The following RAD51AP1 variants were observed in gnomAD, a reference collection of about 807,000 sequenced individuals.
The protein encoded by RAD51AP1 is RAD51 associated protein 1.
In RAD51AP1, 14 loss-of-function variants were observed where a neutral mutation model predicts 34.3. The ratio of observed to expected loss-of-function variants is 0.41; its 90% CI spans 0.27 to 0.64. The LOEUF is 0.64. RAD51AP1 is among the 30% of genes least tolerant of loss of function. The probability of loss-of-function intolerance (pLI) is 0.33; values close to 1 mark genes in which losing one functional copy is unlikely to be tolerated. For synonymous variants in RAD51AP1, 114 were observed against 129.8 expected, an observed-to-expected ratio of 0.88 and a Z score of 0.83; for missense variants, 348 against 386.9, an observed-to-expected ratio of 0.90 and a Z score of 0.84.
At chr12:4,546,226 TAATTTGGAG>T in intron 3 of RAD51AP1, 74 bp from the exon 4 acceptor site, 1 of 1,027,288 alleles carries the variant, frequency 9.7e-7, no homozygotes, top group Non-Finnish European at 1.5e-6. Context: ...TCTTGAATAG[TAATTTGGAG>T]AAATCTCAAA....
chr12:4,557,966 G>C (rs1213260077), intron 8 of RAD51AP1, among the ~76,000 whole-genome samples: 1 of 151,986 alleles, frequency 6.6e-6, no homozygotes, highest in Non-Finnish European at 1.5e-5. Flanking sequence ...GCTAATTTTT[G>C]TAAGTTGATT....
intron 1 of RAD51AP1, among the ~76,000 whole-genome samples, chr12:4,540,008 G>T (rs779517245): frequency 6.6e-6 from 1 of 152,096 alleles, no homozygotes; most frequent in Non-Finnish European, 1.5e-5. Flanking sequence ...ATTGGAGAGC[G>T]GTTTGGGATA....
chr12:4,556,426 T>G lies in RAD51AP1; in HGVS notation c.795T>G (p.Ser265=). The change falls in exon 8 of 9, where the codon TCT becomes TCG. Residue 265 remains serine (S), a synonymous_variant. Transcript: ENST00000352618. The part of the protein sequence containing the change: ...SQSLPKKVSL[S]SDTTRKPLEI... ...CCTTGCCAAAAAAGGTTTCTCTGTC[T>G]TCAGATACCACTAGGAAACCATTAG... The G allele has an allele frequency of 6.2e-7, 1 of 1,613,792 alleles. No individual in the cohort carries two copies. Among genetic ancestry groups the G allele is most frequent in the Non-Finnish European group, 8.5e-7 (1 of 1,179,680 alleles).
chr12:4,542,157 G>A (rs373277246), intron 2 of RAD51AP1, among the ~76,000 whole-genome samples: 1 of 152,116 alleles, frequency 6.6e-6, no homozygotes. Flanking sequence ...AGTCTCTTTA[G>A]ATCTAAACTA....
At chr12:4,550,726 G>A (rs1336812673) in intron 6 of RAD51AP1, among the ~76,000 whole-genome samples, 1 of 152,222 alleles carries the variant, frequency 6.6e-6, no homozygotes, top group East Asian at 1.9e-4. Context: ...CATGGCCTCC[G>A]CCTCACAGGT....
At chr12:4,558,312 C>G (rs1438494522) in intron 8 of RAD51AP1, among the ~76,000 whole-genome samples, 1 of 152,100 alleles carries the variant, frequency 6.6e-6, no homozygotes, top group African/African-American at 2.4e-5. Flanking sequence ...ATTTATAATA[C>G]TGTTGTGTAG....
At chr12:4,550,742 CAA>C (rs541543340) in intron 6 of RAD51AP1, among the ~76,000 whole-genome samples, 204 of 152,364 alleles carry the variant, frequency 1.3e-3, no homozygotes, top group Non-Finnish European at 2.1e-3. Flanking sequence ...CAGGTTCAAG[CAA>C]TTCTTGTGTC....
At chr12:4,548,941 C>A in intron 6 of RAD51AP1, 105 bp downstream of exon 6, 1 of 1,260,574 alleles carries the variant, frequency 7.9e-7, no homozygotes, top group Non-Finnish European at 1.1e-6. Flanking sequence ...TTGGGGTGTG[C>A]AAACTTCAGG....
chr12:4,556,174 A>G (rs1944580833), intron 7 of RAD51AP1, among the ~76,000 whole-genome samples, 179 bp from the exon 8 acceptor site: 1 of 152,194 alleles, frequency 6.6e-6, no homozygotes, highest in Non-Finnish European at 1.5e-5. Flanking sequence ...TGCCTACCAC[A>G]CTGCCTGGCA....
chr12:4,543,990 G>T, intron 3 of RAD51AP1, 86 bp downstream of exon 3: 1 of 1,179,232 alleles, frequency 8.5e-7, no homozygotes, highest in South Asian at 2.0e-5. Flanking sequence ...ATTTAAATTA[G>T]AACTTGGGCA....
At chr12:4,554,674 A>G (rs916819772) in intron 7 of RAD51AP1, among the ~76,000 whole-genome samples, 2 of 152,364 alleles carry the variant, frequency 1.3e-5, no homozygotes, top group East Asian at 1.9e-4. Context: ...GATTTAATAT[A>G]TAATATTAGA....
At chr12:4,556,258 T>C (rs932747018) in intron 7 of RAD51AP1, 95 bp from the exon 8 acceptor site, 7 of 927,910 alleles carry the variant, frequency 7.5e-6, no homozygotes, top group Non-Finnish European at 1.0e-5. Flanking sequence ...TTATTTTTTA[T>C]ATGATTATGT....
chr12:4,554,353 A>C (rs1207588179), intron 7 of RAD51AP1, among the ~76,000 whole-genome samples: 1 of 152,156 alleles, frequency 6.6e-6, no homozygotes, highest in African/African-American at 2.4e-5. Flanking sequence ...CCTCCAGATA[A>C]TTCAGTGTAA....
chr12:4,544,509 G>C (rs1420969494), intron 3 of RAD51AP1, among the ~76,000 whole-genome samples: 2 of 152,142 alleles, frequency 1.3e-5, no homozygotes, highest in Non-Finnish European at 2.9e-5. Context: ...CATATATAAT[G>C]TTTTACTGCC....
intron 7 of RAD51AP1, among the ~76,000 whole-genome samples, chr12:4,554,726 A>G (rs1944570312): frequency 6.6e-6 from 1 of 152,218 alleles, no homozygotes. Flanking sequence ...GGAATTAGGA[A>G]AAATGGATTA....
At chr12:4,543,344 A>T (rs1441853164) in intron 2 of RAD51AP1, among the ~76,000 whole-genome samples, 2 of 152,220 alleles carry the variant, frequency 1.3e-5, no homozygotes, top group Non-Finnish European at 2.9e-5. Context: ...TACAAGTGTG[A>T]GCCACTGTGC....
intron 6 of RAD51AP1, among the ~76,000 whole-genome samples, chr12:4,551,445 G>A (rs111576256): frequency 3.4e-5 from 5 of 147,864 alleles, no homozygotes; most frequent in African/African-American, 1.3e-4. Context: ...CAGTGAGCCA[G>A]GATTGTGCCA....
chr12:4,551,557 C>G (rs1944547369), intron 6 of RAD51AP1, among the ~76,000 whole-genome samples: 1 of 150,380 alleles, frequency 6.6e-6, no homozygotes. Flanking sequence ...ACAGACAAAT[C>G]CAGAATTTAG....
chr12:4,559,073 A>T lies in RAD51AP1; in HGVS notation c.*80A>T. ...TATATTTGATTTGTGTTTATATTTGAGGCAGGTATTGTAATATAAAGGAAT... is the reference window on the plus strand; with the variant it reads ...TATATTTGATTTGTGTTTATATTTGTGGCAGGTATTGTAATATAAAGGAAT... On this transcript the variant is annotated 3_prime_UTR_variant, in exon 9 of 9. Transcript: ENST00000352618. 1 of 1,518,946 alleles carries T rather than the reference A, an allele frequency of 6.6e-7. No individual in the cohort carries two copies. Among genetic ancestry groups the T allele is most frequent in the Non-Finnish European group, 9.0e-7 (1 of 1,113,280 alleles). The allele number at this position is 1,518,946 out of a possible 1,614,324, so 94.1% of individuals were successfully genotyped here.
Sources: gnomAD v4.1 joint callset for allele counts (sites outside exome capture counted in the v4.1 genomes callset) on GRCh38, gnomAD v4.1.1 for gene constraint, MANE v1.5 for transcripts, NCBI Gene and HGNC (gene_info 2026-07-23, HGNC 2026-07-21) for gene names.